RGS8: variants seen among roughly 807,000 people sequenced by gnomAD.
RGS8 encodes the protein regulator of G protein signaling 8, also known as regulator of G-protein signaling 8.
In RGS8, 8 loss-of-function variants were observed where a neutral mutation model predicts 21.7. The ratio of observed to expected loss-of-function variants is 0.37; its 90% confidence interval spans 0.22 to 0.66. The LOEUF is 0.66. RGS8 is among the 30% of genes least tolerant of loss of function. The pLI is 0.59. For missense variants in RGS8, 157 were observed against 217.9 expected (o/e 0.72, Z 1.76); for synonymous variants, 80 against 83.6 (o/e 0.96, Z 0.24).
the RGS8 span, among the ~76,000 whole-genome samples, chr1:182,725,653 C>T: frequency 6.6e-6 from 1 of 152,180 alleles, no homozygotes; most frequent in African/African-American, 2.4e-5. Context: ...ACAAATGAAA[C>T]TTGGTGCTAC....
rs1347086437 is a variant in RGS8 at position 182,666,029 on chromosome 1, A to G, written c.133T>C (p.Leu45=). Residue 45 remains leucine, a synonymous_variant, in exon 5 of 7, where the codon TTA becomes CTA. Coordinates refer to ENST00000483095, the Ensembl canonical transcript of RGS8. ...CACCTCGTAGCTTCTTCTGTCGATA[A>G]TCTCCTAGAAAAAAAGAAACATCTG... 3.1e-6 allele frequency: 5 copies of G among 1,613,454 alleles called. No individual in the cohort carries two copies. The African/African-American group carries it at 5.3e-5, about 17-fold the overall frequency.
upstream of RGS8, chr1:182,673,001 A>T (rs1664236059): frequency 1.4e-6 from 1 of 730,372 alleles, no homozygotes; most frequent in East Asian, 2.6e-5. Context: ...AACTCTGGGG[A>T]CAGTAATCAG....
the RGS8 span, among the ~76,000 whole-genome samples, chr1:182,699,112 G>A: frequency 1.3e-5 from 2 of 152,162 alleles, no homozygotes; most frequent in Non-Finnish European, 2.9e-5. Context: ...TGCGCATTTT[G>A]ATTCATCTTT....
chr1:182,655,807 A>G (rs772175041), intron 5 of RGS8, among the ~76,000 whole-genome samples: 32 of 81,254 alleles, frequency 3.9e-4, no homozygotes, highest in Admixed American at 3.7e-3. Flanking sequence ...CAGCTCCACA[A>G]TTCCATCCTT....
intron 1 of RGS8, among the ~76,000 whole-genome samples, chr1:182,680,346 T>C (rs982336466): frequency 6.6e-6 from 1 of 152,198 alleles, no homozygotes; most frequent in African/African-American, 2.4e-5. Context: ...TCCATAATCA[T>C]GAGCACATAT....
At chr1:182,717,862 G>T in the RGS8 span, among the ~76,000 whole-genome samples, 1 of 152,104 alleles carries the variant, frequency 6.6e-6, no homozygotes, top group African/African-American at 2.4e-5. Flanking sequence ...AATGAATGAA[G>T]AAATAAATAA....
the RGS8 span, among the ~76,000 whole-genome samples, chr1:182,746,391 G>T: frequency 2.6e-5 from 4 of 152,160 alleles, no homozygotes; most frequent in African/African-American, 9.7e-5. Flanking sequence ...TCCAGGTGGG[G>T]TGCAGTGGCT....
chr1:182,662,841 A>G (rs1172051536), intron 5 of RGS8, among the ~76,000 whole-genome samples: 1 of 152,184 alleles, frequency 6.6e-6, no homozygotes, highest in Non-Finnish European at 1.5e-5. Context: ...CCAGCTGCTT[A>G]CCATAGATTT....
the RGS8 span, among the ~76,000 whole-genome samples, chr1:182,713,562 C>T: frequency 6.6e-6 from 1 of 152,154 alleles, no homozygotes; most frequent in Admixed American, 6.5e-5. Context: ...AATCACCTTA[C>T]CCCCACTGAC....
intron 1 of RGS8, 81 bp from the exon 3 acceptor site, chr1:182,671,811 CACACACACATAT>C: frequency 3.1e-6 from 5 of 1,607,536 alleles, no homozygotes; most frequent in Non-Finnish European, 4.3e-6. Context: ...CATAGGGGCA[CACACACACATAT>C]ACACACACAG....
chr1:182,732,248 C>A, the RGS8 span, among the ~76,000 whole-genome samples: 1 of 146,330 alleles, frequency 6.8e-6, no homozygotes, highest in South Asian at 2.2e-4. Flanking sequence ...CTCTCTCATT[C>A]CCTCTGTCTC....
upstream of RGS8, among the ~76,000 whole-genome samples, chr1:182,677,413 G>A (rs1374476965): frequency 6.6e-6 from 1 of 152,164 alleles, no homozygotes; most frequent in Non-Finnish European, 1.5e-5. Flanking sequence ...CTGTAAAATG[G>A]TAATTAAATT....
the RGS8 span, among the ~76,000 whole-genome samples, chr1:182,725,933 T>G: frequency 6.6e-6 from 1 of 152,210 alleles, no homozygotes; most frequent in African/African-American, 2.4e-5. Flanking sequence ...GCACACATTT[T>G]AAAGGGTGCA....
At chr1:182,720,809 G>A in the RGS8 span, among the ~76,000 whole-genome samples, 362 of 150,880 alleles carry the variant, frequency 2.4e-3, 1 homozygote, top group South Asian at 9.0e-3. Context: ...GTGTGATTGC[G>A]TGCATGTATG....
chr1:182,698,993 G>A, the RGS8 span, among the ~76,000 whole-genome samples: 1 of 152,192 alleles, frequency 6.6e-6, no homozygotes, highest in East Asian at 1.9e-4. Flanking sequence ...CTGAAAAATA[G>A]AGCCCAGAGA....
chr1:182,646,803 A>G (rs1425167994), exon 7 of RGS8: 1 of 1,614,146 alleles, frequency 6.2e-7, no homozygotes, highest in East Asian at 2.2e-5. Context: ...AACCTGGGGT[A>G]AGAGTCTTTC....
chr1:182,701,637 C>T, the RGS8 span, among the ~76,000 whole-genome samples: 1 of 152,172 alleles, frequency 6.6e-6, no homozygotes, highest in Admixed American at 6.5e-5. Flanking sequence ...AGCTGCAGCC[C>T]TGTATCCAGC....
chr1:182,696,004 C>G, the RGS8 span, among the ~76,000 whole-genome samples: 1 of 152,210 alleles, frequency 6.6e-6, no homozygotes, highest in Admixed American at 6.5e-5. Context: ...TCTAAACCTT[C>G]TGCTGGGGAG....
At chr1:182,743,032 A>G in the RGS8 span, among the ~76,000 whole-genome samples, 1 of 151,550 alleles carries the variant, frequency 6.6e-6, no homozygotes, top group Non-Finnish European at 1.5e-5. Context: ...AAAACTATGT[A>G]AACACCCACA....
Sources: gnomAD v4.1 joint callset for allele counts (sites outside exome capture counted in the v4.1 genomes callset) on GRCh38, gnomAD v4.1.1 for gene constraint, MANE v1.5 for transcripts, NCBI Gene and HGNC (gene_info 2026-07-23, HGNC 2026-07-21) for gene names.